PKP2: variants seen among roughly 807,000 people sequenced by gnomAD.
The protein encoded by PKP2 is plakophilin-2.
A neutral mutation model predicts 83.4 loss-of-function variants in PKP2; 73 were observed. The ratio of observed to expected loss-of-function variants is 0.88; its 90% CI spans 0.72 to 1.06. PKP2 has a LOEUF of 1.06. Among genes scored for constraint, PKP2 ranks in the 50% least tolerant of loss-of-function variants. The pLI, the probability that PKP2 is intolerant of heterozygous loss-of-function variation, is 0.00. For missense variants in PKP2, 966 were observed against 1,065.4 expected (o/e 0.91, Z 1.30); for synonymous variants, 409 against 430.4 (o/e 0.95, Z 0.62).
intron 5 of PKP2, among the ~76,000 whole-genome samples, chr12:32,844,908 G>C (rs180800676): frequency 1.3e-5 from 2 of 152,174 alleles, no homozygotes; most frequent in Non-Finnish European, 2.9e-5. Context: ...AGATGATTCT[G>C]AATAGATGTC....
intron 5 of PKP2, chr12:32,843,338 AGGT>A: frequency 7.3e-7 from 1 of 1,363,978 alleles, no homozygotes; most frequent in South Asian, 1.1e-5. Context: ...GAGGAAGCAT[AGGT>A]ACTCAGGGCA....
chr12:32,792,346 G>T lies in PKP2; in HGVS notation c.*78C>A. ...GATAGAAACAAGGCATGCTTTTGAG[G>T]TTTCTTGGGCTGGGTAGTAGAAAAA... On this transcript the variant is annotated 3_prime_UTR_variant, in exon 13 of 13. Coordinates refer to ENST00000340811, the MANE Select transcript of PKP2 (RefSeq NM_001005242.3). 9.9e-7 allele frequency: 1 copy of T among 1,013,830 alleles called. No homozygotes were observed. The highest frequency in any genetic ancestry group is 1.6e-6 in the Non-Finnish European group (1 of 632,900). The allele number at this position is 1,013,830 out of a possible 1,614,324, so 62.8% of individuals were successfully genotyped here.
At chr12:32,877,792 TG>T in intron 3 of PKP2, 53 bp downstream of exon 3, 1 of 1,293,746 alleles carries the variant, frequency 7.7e-7, no homozygotes, top group Non-Finnish European at 1.1e-6. Flanking sequence ...GTCAGGGCTG[TG>T]GGAACAGAAT....
At position 32,878,122 on chromosome 12, in the gene PKP2, C is replaced by T. The variant is rs1396012405; in HGVS notation, c.758G>A (p.Gly253Asp). Residue 253 changes from glycine to aspartate, a missense_variant, in exon 3 of 13, where the codon GGC becomes GAC. Physicochemically the swap from Gly to Asp is moderately conservative, Grantham distance 94. Coordinates refer to ENST00000340811, the MANE Select transcript of PKP2 (RefSeq NM_001005242.3). ...YPRPGTSRSM[G>D]NLLEKENYLT... is the part of the protein sequence containing the mutation. ...GTAGTTCTCCTTCTCCAAGAGGTTG[C>T]CCATGCTGCGGCTGGTCCCTGGCCT... 3 of 1,614,252 alleles carry T rather than the reference C, an allele frequency of 1.9e-6. No individual in the cohort carries two copies. Among genetic ancestry groups the T allele is most frequent in the Non-Finnish European group, 2.5e-6 (3 of 1,180,050 alleles).
chr12:32,872,526 G>A (rs929054337), intron 3 of PKP2, among the ~76,000 whole-genome samples: 2 of 151,916 alleles, frequency 1.3e-5, no homozygotes, highest in African/African-American at 2.4e-5. Flanking sequence ...AAGAGTGAAA[G>A]TCTGTCTCAA....
chr12:32,811,634 G>A (rs1457712062), intron 9 of PKP2, among the ~76,000 whole-genome samples: 1 of 152,140 alleles, frequency 6.6e-6, no homozygotes, highest in Non-Finnish European at 1.5e-5. Context: ...GGACAGATCC[G>A]CACTTTCAAT....
intron 10 of PKP2, among the ~76,000 whole-genome samples, chr12:32,799,421 A>C (rs776384062): frequency 2.6e-5 from 4 of 152,264 alleles, no homozygotes; most frequent in African/African-American, 4.8e-5. Flanking sequence ...TGATCCAGCA[A>C]TACCACTACT....
chr12:32,846,745 CA>C (rs574053559), intron 5 of PKP2, among the ~76,000 whole-genome samples: 1,086 of 74,872 alleles, frequency 0.015, 24 homozygotes, highest in African/African-American at 0.038. Context: ...AACTTCTTCT[CA>C]AAAAAAAAAA....
Position 32,792,255 on chromosome 12 carries a change from C to G in PKP2, c.*169G>C, listed in dbSNP as rs1956074850. 1 of 677,038 alleles carries G rather than the reference C, an allele frequency of 1.5e-6. No individual in the cohort carries two copies. Among genetic ancestry groups the G allele is most frequent in the South Asian group, 1.7e-5 (1 of 60,270 alleles). 41.9% of individuals were successfully genotyped at this position (677,038 alleles called of 1,614,324 possible). A position where few individuals can be genotyped will look rare whatever the true frequency, so the allele number is the denominator to read the frequency against. On this transcript the variant is annotated 3_prime_UTR_variant, in exon 13 of 13. Transcript: ENST00000340811. Reference sequence around the variant, plus strand: ...CTGGTGGCAAACTTGCAAAGGTCTTCTGGAAGACTCATAAAATTATGTTCT... The same window carrying G: ...CTGGTGGCAAACTTGCAAAGGTCTTGTGGAAGACTCATAAAATTATGTTCT...
intron 6 of PKP2, among the ~76,000 whole-genome samples, chr12:32,836,397 G>A (rs1363369382): frequency 1.3e-5 from 2 of 152,316 alleles, no homozygotes; most frequent in African/African-American, 4.8e-5. Flanking sequence ...TTAGATGAGT[G>A]ATCTCACCAT....
At chr12:32,802,031 CCA>C (rs1346343322) in intron 10 of PKP2, among the ~76,000 whole-genome samples, 1 of 151,928 alleles carries the variant, frequency 6.6e-6, no homozygotes, top group African/African-American at 2.4e-5. Flanking sequence ...CTTAAGAGAG[CCA>C]CAGAGAGAAC....
chr12:32,822,715 T>G, intron 7 of PKP2, 84 bp from the exon 8 acceptor site: 2 of 1,456,264 alleles, frequency 1.4e-6, no homozygotes, highest in African/African-American at 1.4e-5. Flanking sequence ...GCTTTAGCTC[T>G]TACAAGGTTT....
At chr12:32,889,601 C>G (rs2137987954) in intron 1 of PKP2, among the ~76,000 whole-genome samples, 1 of 152,308 alleles carries the variant, frequency 6.6e-6, no homozygotes, top group East Asian at 1.9e-4. Context: ...CTTAATCATT[C>G]AGGCAGGTAT....
chr12:32,805,282 T>C (rs887179574), intron 9 of PKP2, among the ~76,000 whole-genome samples: 4 of 152,196 alleles, frequency 2.6e-5, no homozygotes, highest in Admixed American at 2.0e-4. Flanking sequence ...TAGTTTCTTT[T>C]GCTGTGCAGA....
intron 6 of PKP2, among the ~76,000 whole-genome samples, chr12:32,838,784 A>G (rs925065986): frequency 6.6e-6 from 1 of 152,256 alleles, no homozygotes; most frequent in African/African-American, 2.4e-5. Flanking sequence ...TAGCAAAGGT[A>G]TGTAAACAAC....
chr12:32,886,691 G>A (rs147899297), intron 1 of PKP2, among the ~76,000 whole-genome samples: 47 of 152,264 alleles, frequency 3.1e-4, no homozygotes, highest in African/African-American at 1.1e-3. Flanking sequence ...AGAATTTGTT[G>A]GTTTAGAAAA....
At chr12:32,864,018 A>G (rs538121052) in intron 4 of PKP2, among the ~76,000 whole-genome samples, 1 of 152,348 alleles carries the variant, frequency 6.6e-6, no homozygotes, top group East Asian at 1.9e-4. Flanking sequence ...GTAATTTACC[A>G]TAATGGCAAA....
At chr12:32,803,094 G>A (rs1258125989) in intron 9 of PKP2, among the ~76,000 whole-genome samples, 1 of 152,012 alleles carries the variant, frequency 6.6e-6, no homozygotes, top group Admixed American at 6.6e-5. Flanking sequence ...TTGGGGCCGG[G>A]TGTGGTGGCT....
chr12:32,813,423 C>G (rs953216208), intron 9 of PKP2, among the ~76,000 whole-genome samples: 2 of 152,132 alleles, frequency 1.3e-5, no homozygotes, highest in Non-Finnish European at 2.9e-5. Context: ...TATAATGAAA[C>G]AAATAACTGT....
Sources: allele counts gnomAD v4.1 joint callset (sites outside exome capture counted in the v4.1 genomes callset), GRCh38; gene constraint gnomAD v4.1.1; transcripts MANE v1.5; gene names NCBI Gene and HGNC (gene_info 2026-07-23, HGNC 2026-07-21).